Variants in FAM163B observed in about 807,000 individuals in gnomAD.
The protein encoded by FAM163B is protein FAM163B.
In FAM163B, 4 loss-of-function variants were observed where a neutral mutation model predicts 7.6. That is an observed-to-expected ratio of 0.52 (90% CI 0.26 to 1.20). The LOEUF (loss-of-function observed/expected upper bound fraction) is 1.20. Among genes scored for constraint, FAM163B ranks in the 50% most tolerant of loss-of-function variants. The pLI, the probability that FAM163B is intolerant of heterozygous loss-of-function variation, is 0.14. For missense variants in FAM163B, 250 were observed against 243.0 expected, an observed-to-expected ratio of 1.03 and a Z score of -0.19; for synonymous variants, 120 against 111.6, an observed-to-expected ratio of 1.07 and a Z score of -0.47.
chr9:133,599,973 GTGTC>G (rs3074993), intron 1 of FAM163B, among the ~76,000 whole-genome samples: 34,691 of 135,914 alleles, frequency 0.26, 4,493 homozygotes, highest in South Asian at 0.36. Context: ...GCATGTGTGT[GTGTC>G]TGTGTGCATA....
At chr9:133,591,639 C>T (rs891865623) in intron 1 of FAM163B, among the ~76,000 whole-genome samples, 7 of 152,206 alleles carry the variant, frequency 4.6e-5, no homozygotes, top group African/African-American at 1.4e-4. Context: ...CTCAGGGGGG[C>T]GGAGAACATG....
chr9:133,607,553 G>A (rs965694764), intron 1 of FAM163B, among the ~76,000 whole-genome samples: 10 of 152,164 alleles, frequency 6.6e-5, no homozygotes, highest in African/African-American at 2.4e-4. Flanking sequence ...ATGCAAGTGG[G>A]GCACTGAGGC....
At chr9:133,608,517 C>T (rs530091294) in intron 1 of FAM163B, among the ~76,000 whole-genome samples, 69 of 152,248 alleles carry the variant, frequency 4.5e-4, no homozygotes, top group Middle Eastern at 3.4e-3. Context: ...TGACAGAGGC[C>T]GGCGTGTTTG....
intron 1 of FAM163B, among the ~76,000 whole-genome samples, 121 bp downstream of exon 1, chr9:133,608,956 G>A (rs1198017148): frequency 6.6e-6 from 1 of 152,236 alleles, no homozygotes; most frequent in Non-Finnish European, 1.5e-5. Flanking sequence ...CAGGGGACCT[G>A]GTGCGAGGCA....
intron 1 of FAM163B, among the ~76,000 whole-genome samples, chr9:133,592,294 C>T (rs1421165463): frequency 1.3e-5 from 2 of 152,158 alleles, no homozygotes; most frequent in Admixed American, 6.5e-5. Context: ...ACAGGAATCA[C>T]GACTGCAACT....
In FAM163B at chr9:133,588,405, T is replaced by G. The variant is rs184116607; in HGVS notation, c.-23-8159A>C. On this transcript the variant is annotated intron_variant, in intron 1 of 2. Coordinates refer to ENST00000673969, the MANE Select transcript of FAM163B (RefSeq NM_001080515.3). ...GGGGAAGAACTTGCAAAAATAAAGC[T>G]TGAGTTGTGGCCGCTGCTGTCAGGC... Among the ~76,000 whole-genome samples the G allele has an allele frequency of 5.4e-3, 824 of 151,932 alleles. 6 individuals are homozygous for G. Among genetic ancestry groups the G allele is most frequent in the African/African-American group, 0.016 (678 of 41,394 alleles).
intron 1 of FAM163B, among the ~76,000 whole-genome samples, chr9:133,588,699 G>GC: frequency 6.1e-5 from 1 of 16,414 alleles, no homozygotes; most frequent in African/African-American, 2.5e-4. Flanking sequence ...CTAGCATGCT[G>GC]AGGGATCTAG....
chr9:133,583,352 C>T (rs1315364949), intron 1 of FAM163B, among the ~76,000 whole-genome samples: 1 of 152,150 alleles, frequency 6.6e-6, no homozygotes, highest in Non-Finnish European at 1.5e-5. Context: ...GGCTGAGGTG[C>T]TCCCTCAGGG....
intron 1 of FAM163B, among the ~76,000 whole-genome samples, chr9:133,590,345 G>C (rs1276696150): frequency 1.3e-5 from 2 of 151,976 alleles, no homozygotes; most frequent in East Asian, 3.9e-4. Context: ...AAGGCGGACG[G>C]GAGGGAGGGC....
chr9:133,604,651 C>T (rs952557545), intron 1 of FAM163B, among the ~76,000 whole-genome samples: 6 of 152,064 alleles, frequency 3.9e-5, no homozygotes, highest in East Asian at 1.9e-4. Flanking sequence ...TCTTTTCTGC[C>T]GTGGTGGGCG....
At position 133,600,338 on chromosome 9, in the gene FAM163B, T is replaced by TAG. The variant is rs908226937; in HGVS notation, c.-24+8737_-24+8738dup. ...GAAGAGCAGCATGCAGGTGCAAAGG[T>TAG]AGAGTCCAGCAGCCTGGCCCATCCC... On this transcript the variant is annotated intron_variant, in intron 1 of 2. Transcript: ENST00000673969. This position sits in a 1 kb window ranked among gnomAD's most constrained non-coding sequence, Gnocchi z 4.9. Among the ~76,000 whole-genome samples, 2 of 151,582 alleles carry TAG rather than the reference T, an allele frequency of 1.3e-5. No individual in the cohort carries two copies. The highest frequency in any genetic ancestry group is 2.9e-5 in the Non-Finnish European group (2 of 67,914).
intron 1 of FAM163B, among the ~76,000 whole-genome samples, chr9:133,587,266 G>A (rs1831453131): frequency 6.6e-6 from 1 of 152,238 alleles, no homozygotes; most frequent in East Asian, 1.9e-4. Context: ...TACTGGCATG[G>A]TGCAGAGCTG....
At chr9:133,591,185 C>T (rs1049029845) in intron 1 of FAM163B, among the ~76,000 whole-genome samples, 3 of 152,228 alleles carry the variant, frequency 2.0e-5, no homozygotes, top group Non-Finnish European at 4.4e-5. Context: ...CTCCTGGGGC[C>T]AGGGCAGCCT....
At chr9:133,597,260 G>T (rs750356069) in intron 1 of FAM163B, among the ~76,000 whole-genome samples, 3 of 152,184 alleles carry the variant, frequency 2.0e-5, no homozygotes, top group Non-Finnish European at 4.4e-5. Context: ...AGGAAAACTT[G>T]AGCATATGAA....
At chr9:133,596,841 T>C (rs1389761458) in intron 1 of FAM163B, among the ~76,000 whole-genome samples, 1 of 152,198 alleles carries the variant, frequency 6.6e-6, no homozygotes, top group African/African-American at 2.4e-5. Context: ...AACTAGCTGA[T>C]AGGATTCCAG....
intron 1 of FAM163B, among the ~76,000 whole-genome samples, chr9:133,602,385 C>T (rs898859121): frequency 2.6e-5 from 4 of 151,140 alleles, no homozygotes; most frequent in Non-Finnish European, 5.9e-5. Flanking sequence ...CCCACGCTTG[C>T]GACTGTTCAG....
In FAM163B at chr9:133,577,146, ACG is replaced by A. The variant is rs1190522734; in HGVS notation, c.*1874_*1875del. On this transcript the variant is annotated 3_prime_UTR_variant, in exon 3 of 3. Transcript: ENST00000673969. Reference sequence around the variant, plus strand: ...CCAGCGGCTCCCCCAGCAGGTCCCCACGGTGGAGCCGAGTGAGCTGGGAGGGA... The same window carrying A: ...CCAGCGGCTCCCCCAGCAGGTCCCCAGTGGAGCCGAGTGAGCTGGGAGGGA... Among the ~76,000 whole-genome samples, 1 of 152,198 alleles carries A rather than the reference ACG, an allele frequency of 6.6e-6. No homozygotes were observed. Among genetic ancestry groups the A allele is most frequent in the East Asian group, 1.9e-4 (1 of 5,176 alleles).
intron 1 of FAM163B, among the ~76,000 whole-genome samples, chr9:133,587,918 G>T (rs1194785723): frequency 7.3e-5 from 11 of 151,292 alleles, no homozygotes; most frequent in South Asian, 4.2e-4. Context: ...GAGCAGATAG[G>T]GAAGGGACAG....
chr9:133,584,104 G>A (rs1831397262), intron 1 of FAM163B, among the ~76,000 whole-genome samples: 1 of 151,760 alleles, frequency 6.6e-6, no homozygotes, highest in African/African-American at 2.4e-5. Flanking sequence ...CCTCTCCCAG[G>A]AAGCCTTCCT....
Sources: allele counts gnomAD v4.1 joint callset (sites outside exome capture counted in the v4.1 genomes callset), GRCh38; gene constraint gnomAD v4.1.1; non-coding constraint Gnocchi (gnomAD v3.1); transcripts MANE v1.5; gene names NCBI Gene and HGNC (gene_info 2026-07-23, HGNC 2026-07-21).